Variants in CARD14 observed in about 807,000 individuals in gnomAD.
The protein encoded by CARD14 is caspase recruitment domain-containing protein 14.
Under a neutral mutation model 111.5 loss-of-function variants are expected in CARD14, and 107 were observed. The ratio of observed to expected loss-of-function variants is 0.96; its 90% CI spans 0.82 to 1.13. CARD14 has a LOEUF of 1.13. Among genes scored for constraint, CARD14 ranks in the 50% most tolerant of loss-of-function variants. CARD14 has a pLI of 0.00. For synonymous variants in CARD14, 617 were observed against 579.6 expected, an observed-to-expected ratio of 1.06 and a Z score of -0.93; for missense variants, 1,322 against 1,362.3, an observed-to-expected ratio of 0.97 and a Z score of 0.47.
chr17:80,186,556 GTT>G (rs1204261628), intron 7 of CARD14, among the ~76,000 whole-genome samples: 1 of 151,782 alleles, frequency 6.6e-6, no homozygotes, highest in Non-Finnish European at 1.5e-5. Context: ...TTATTTTTTG[GTT>G]TGTTTTTTTG....
chr17:80,206,027 G>C (rs996031886), intron 22 of CARD14: 2 of 180,088 alleles, frequency 1.1e-5, no homozygotes, highest in African/African-American at 4.7e-5. Flanking sequence ...GCCGAGTCTG[G>C]CATCTGCGTG....
intron 2 of CARD14, among the ~76,000 whole-genome samples, chr17:80,174,827 T>TAG (rs1303433402): frequency 6.6e-6 from 1 of 152,088 alleles, no homozygotes; most frequent in African/African-American, 2.4e-5. Context: ...TCCCTAGACT[T>TAG]CTCTTCAGCT....
At chr17:80,181,878 G>A (rs1004546478) in intron 5 of CARD14, among the ~76,000 whole-genome samples, 1 of 152,184 alleles carries the variant, frequency 6.6e-6, no homozygotes, top group African/African-American at 2.4e-5. Flanking sequence ...GGTTCCAGGT[G>A]GATGTGTCTT....
At chr17:80,181,374 G>A in intron 4 of CARD14, 45 bp from the exon 5 acceptor site, 2 of 1,446,810 alleles carry the variant, frequency 1.4e-6, no homozygotes, top group Non-Finnish European at 1.9e-6. Context: ...CTATCCTGGG[G>A]TCCTGCTTAC....
chr17:80,176,903 C>T (rs1392058124), intron 2 of CARD14, among the ~76,000 whole-genome samples: 1 of 152,228 alleles, frequency 6.6e-6, no homozygotes, highest in African/African-American at 2.4e-5. Context: ...ATTGGCAGCG[C>T]ATCCCTGGAG....
chr17:80,181,656 G>A lies in CARD14; in HGVS notation c.211+7G>A, dbSNP rs770895364. On this transcript the variant is annotated splice_region_variant and intron_variant, in intron 5 of 23. Coordinates refer to ENST00000648509, the MANE Select transcript of CARD14 (RefSeq NM_001366385.1). The stretch of plus-strand genomic sequence containing the variant: ...AACAGCGCCATGCGGGCCGGTGAGC[G>A]CAGCTCCCTCTTCCCCACCTCTTCC... 5.4e-5 allele frequency: 83 copies of A among 1,537,938 alleles called. No homozygotes were observed. The highest frequency in any genetic ancestry group is 2.0e-4 in the Middle Eastern group (1 of 4,962).
At chr17:80,183,772 TCACCCGCCCA>T (rs2040247218) in intron 6 of CARD14, 131 bp from the exon 7 acceptor site, 1 of 445,612 alleles carries the variant, frequency 2.2e-6, no homozygotes, top group African/African-American at 2.6e-5. Context: ...GCCCACATGC[TCACCCGCCCA>T]CATGCTCACC....
intron 2 of CARD14, among the ~76,000 whole-genome samples, chr17:80,177,617 C>A (rs960886815): frequency 1.3e-5 from 2 of 152,182 alleles, no homozygotes; most frequent in Admixed American, 6.5e-5. Context: ...ATTGCTTGAA[C>A]CCGGGAGACA....
chr17:80,192,822 G>A (rs868308780), intron 12 of CARD14, among the ~76,000 whole-genome samples: 5 of 152,090 alleles, frequency 3.3e-5, no homozygotes, highest in African/African-American at 4.8e-5. Context: ...ATGTGATTTC[G>A]GCTCACTGCA....
intron 22 of CARD14, 74 bp downstream of exon 22, chr17:80,205,726 A>G (rs2041264893): frequency 6.9e-7 from 1 of 1,443,182 alleles, no homozygotes; most frequent in East Asian, 2.5e-5. Flanking sequence ...GGGGGATGAG[A>G]TAAAGGTACA....
In CARD14 at chr17:80,201,386, C is replaced by T. The variant is rs908805962; in HGVS notation, c.1852-358C>T. The T allele has an allele frequency of 2.3e-5, 6 of 255,694 alleles. No homozygotes were observed. Among genetic ancestry groups the T allele is most frequent in the African/African-American group, 1.2e-4 (5 of 42,576 alleles). 15.8% of individuals were successfully genotyped at this position (255,694 alleles called of 1,614,324 possible). On this transcript the variant is annotated intron_variant, in intron 16 of 23. Transcript: ENST00000648509. This position sits in a 1 kb window ranked among gnomAD's most constrained non-coding sequence, Gnocchi z 5.0. ...AGCCCGCAGCAGCACAGAATGATCC[C>T]AAGGCTAAGAAACCTCTATCTAGAA...
At position 80,172,872 on chromosome 17, in the gene CARD14, C is replaced by CTTTTTTTTTTTTTTTTTTTTTTTTT. The variant is rs55912754; in HGVS notation, c.-689-32_-689-8dup. ...CCCATACTTGCTTATTCTAAACATT[C>CTTTTTTTTTTTTTTTTTTTTTTTTT]TTTTTTTTTTTTTTTTTTTTTTTTT... is the stretch of plus-strand genomic sequence containing the variant. On this transcript the variant is annotated intron_variant, in intron 1 of 23. Coordinates refer to ENST00000648509, the MANE Select transcript of CARD14 (RefSeq NM_001366385.1). 96 of 70,788 alleles carry CTTTTTTTTTTTTTTTTTTTTTTTTT rather than the reference C, an allele frequency of 1.4e-3. 22 individuals carry two copies. The highest frequency in any genetic ancestry group is 1.6e-3 in the Non-Finnish European group (62 of 38,690). 4.4% of individuals were successfully genotyped at this position (70,788 alleles called of 1,614,324 possible).
chr17:80,190,735 C>T (rs765374062), intron 9 of CARD14, 39 bp from the exon 10 acceptor site: 6 of 1,611,332 alleles, frequency 3.7e-6, no homozygotes, highest in Non-Finnish European at 5.1e-6. Context: ...ACCCTCAGAG[C>T]TGCTGAGCTT....
chr17:80,204,204 T>A, intron 19 of CARD14, 23 bp from the exon 20 acceptor site: 1 of 1,569,658 alleles, frequency 6.4e-7, no homozygotes, highest in South Asian at 1.2e-5. Flanking sequence ...CTCCTCCTCA[T>A]CCTTTCTCTG....
At position 80,188,394 on chromosome 17, in the gene CARD14, G is replaced by A. The variant is rs762506583; in HGVS notation, c.693G>A (p.Gln231=). The change falls in exon 8 of 24, where the codon CAG becomes CAA. Residue 231 remains glutamine (Q), a synonymous_variant. Transcript: ENST00000648509. This position sits in a 1 kb window ranked among gnomAD's most constrained non-coding sequence, Gnocchi z 4.5. ...SLQEELYLLK[Q]ELQRANMVSS... is the part of the protein sequence containing the mutation. Reference sequence around the variant, plus strand: ...CCGCACAGCTGTATCTACTGAAGCAGGAGCTGCAGCGAGCCAACATGGTTT... The same window carrying A: ...CCGCACAGCTGTATCTACTGAAGCAAGAGCTGCAGCGAGCCAACATGGTTT... The A allele has an allele frequency of 6.2e-7, 1 of 1,610,312 alleles. No homozygotes were observed. The highest frequency in any genetic ancestry group is 8.5e-7 in the Non-Finnish European group (1 of 1,178,370).
intron 9 of CARD14, 72 bp from the exon 10 acceptor site, chr17:80,190,702 C>T (rs1275640322): frequency 3.2e-6 from 5 of 1,578,506 alleles, no homozygotes; most frequent in African/African-American, 2.7e-5. Context: ...CCCCTGGGTT[C>T]CCCGACCCCC....
intron 19 of CARD14, 167 bp downstream of exon 19, chr17:80,204,052 C>G (rs2041138013): frequency 1.3e-6 from 1 of 796,924 alleles, no homozygotes; most frequent in South Asian, 1.8e-5. Context: ...GTCTGCAGCC[C>G]CTGCCCAGCC....
In CARD14 at chr17:80,173,322, ACACGCG is replaced by A. The variant is rs1362674187; in HGVS notation, c.-367+96_-367+101del. On this transcript the variant is annotated intron_variant, in intron 2 of 23. Coordinates refer to ENST00000648509, the MANE Select transcript of CARD14 (RefSeq NM_001366385.1). ...TGCACACACACACACACACACACAC[ACACGCG>A]CGCGCGCGCGCGCGGAATGACAGGA... is the stretch of plus-strand genomic sequence containing the variant. The A allele has an allele frequency of 9.8e-3, 787 of 80,500 alleles. 3 individuals carry two copies. The highest frequency in any genetic ancestry group is 0.025 in the African/African-American group (600 of 24,158). The allele number at this position is 80,500 out of a possible 1,614,324, so 5.0% of individuals were successfully genotyped here. A position where few individuals can be genotyped will look rare whatever the true frequency, so the allele number is the denominator to read the frequency against.
At position 80,182,886 on chromosome 17, in the gene CARD14, C is replaced by A; in HGVS notation, c.349+96C>A. Reference sequence around the variant, plus strand: ...CCCGCTTACTTGCCGATTTGCCCTACTCCCCCTTCCCTCCAGGCTGCAGTT... The same window carrying A: ...CCCGCTTACTTGCCGATTTGCCCTAATCCCCCTTCCCTCCAGGCTGCAGTT... On this transcript the variant is annotated intron_variant, in intron 6 of 23. Transcript: ENST00000648509. This position sits in a 1 kb window ranked among gnomAD's most constrained non-coding sequence, Gnocchi z 4.7. 2 of 1,441,982 alleles carry A rather than the reference C, an allele frequency of 1.4e-6. No homozygotes were observed. The highest frequency in any genetic ancestry group is 1.9e-6 in the Non-Finnish European group (2 of 1,043,176). 89.3% of individuals were successfully genotyped at this position (1,441,982 alleles called of 1,614,324 possible). A position where few individuals can be genotyped will look rare whatever the true frequency, so the allele number is the denominator to read the frequency against.
Sources: allele counts gnomAD v4.1 joint callset (sites outside exome capture counted in the v4.1 genomes callset), GRCh38; gene constraint gnomAD v4.1.1; non-coding constraint Gnocchi (gnomAD v3.1); transcripts MANE v1.5; gene names NCBI Gene and HGNC (gene_info 2026-07-23, HGNC 2026-07-21).